MAS1: variants seen among roughly 807,000 people sequenced by gnomAD.
The protein encoded by MAS1 is proto-oncogene Mas.
For missense variants in MAS1, 387 were observed against 409.7 expected, an observed-to-expected ratio of 0.94 and a Z score of 0.48; for synonymous variants, 163 against 164.2, an observed-to-expected ratio of 0.99 and a Z score of 0.05.
At position 159,906,941 on chromosome 6, in the gene MAS1, AC is replaced by A. The variant is rs1782893927; in HGVS notation, c.-13del. The A allele has an allele frequency of 6.3e-7, 1 of 1,583,138 alleles. No individual in the cohort carries two copies. The highest frequency in any genetic ancestry group is 8.6e-7 in the Non-Finnish European group (1 of 1,158,564). ...ACAGAAAATTACCTGAAGAGTTCCA[AC>A]CTGAGGCCTCCTCATGGATGGGTCA... On this transcript the variant is annotated 5_prime_UTR_variant, in exon 3 of 3. Transcript: ENST00000674077.
At chr6:159,889,378 C>T (rs1782672980), upstream of MAS1, among the ~76,000 whole-genome samples, 1 of 152,168 alleles carries the variant, frequency 6.6e-6, no homozygotes, top group African/African-American at 2.4e-5. Context: ...GTGAAATGTT[C>T]ATAACATCTG....
Position 159,902,827 on chromosome 6 carries a change from A to G in MAS1, c.-37+3435A>G, listed in dbSNP as rs115051617. Among the ~76,000 whole-genome samples, 1,059 of 152,204 alleles carry G rather than the reference A, an allele frequency of 7.0e-3. 11 individuals carry two copies. The highest frequency in any genetic ancestry group is 0.023 in the African/African-American group (966 of 41,520). ...TCGGACCCCTGGGCTGCTGTCCCAA[A>G]TTCCTTGACGATTTCAGCACCTGGA... On this transcript the variant is annotated intron_variant, in intron 2 of 2. Transcript: ENST00000674077.
chr6:159,907,796 T>G lies in MAS1; in HGVS notation c.841T>G (p.Phe281Val). The G allele has an allele frequency of 6.2e-7, 1 of 1,613,490 alleles. No individual in the cohort carries two copies. The highest frequency in any genetic ancestry group is 8.5e-7 in the Non-Finnish European group (1 of 1,179,928). ...CAGTAGCGCCAACCCTTTCATTTACTTCTTTGTGGGAAGCAGTAAGAAGAA... is the reference window on the plus strand; with the variant it reads ...CAGTAGCGCCAACCCTTTCATTTACGTCTTTGTGGGAAGCAGTAAGAAGAA... ...INSSANPFIY[F>V]FVGSSKKKRF... Residue 281 changes from phenylalanine (F) to valine (V), a missense_variant, in exon 3 of 3, where the codon TTC (phenylalanine) becomes GTC (valine). Physicochemically the swap from Phe to Val is conservative, Grantham distance 50 (BLOSUM62 -1). Transcript: ENST00000674077.
At chr6:159,893,737 GTACA>G (rs1782725927) in intron 1 of MAS1, among the ~76,000 whole-genome samples, 2 of 152,164 alleles carry the variant, frequency 1.3e-5, no homozygotes, top group Admixed American at 1.3e-4. Context: ...TGTTATCTAT[GTACA>G]TATATTCCTT....
intron 2 of MAS1, 86 bp from the exon 3 acceptor site, chr6:159,906,834 G>C (rs753576970): frequency 9.5e-7 from 1 of 1,050,612 alleles, no homozygotes; most frequent in African/African-American, 1.6e-5. Context: ...TGAAGATTAT[G>C]ATTTATAGCT....
chr6:159,905,003 C>T (rs1483003118), intron 2 of MAS1, among the ~76,000 whole-genome samples: 1 of 152,216 alleles, frequency 6.6e-6, no homozygotes, highest in Non-Finnish European at 1.5e-5. Context: ...TTTCCCATCA[C>T]ACTATGGACG....
chr6:159,897,657 G>A (rs975550155), intron 1 of MAS1, among the ~76,000 whole-genome samples: 2 of 152,138 alleles, frequency 1.3e-5, no homozygotes, highest in African/African-American at 4.8e-5. Context: ...AATGAACAGG[G>A]GCAGCTTAGA....
At position 159,907,735 on chromosome 6, in the gene MAS1, C is replaced by T; in HGVS notation, c.780C>T (p.Asn260=). 6.2e-7 allele frequency: 1 copy of T among 1,613,522 alleles called. No individual in the cohort carries two copies. Among genetic ancestry groups the T allele is most frequent in the Non-Finnish European group, 8.5e-7 (1 of 1,179,934 alleles). ...LYYEYWSTFG[N]LHHISLLFST... ...ATGAGTATTGGTCGACCTTTGGGAA[C>T]CTACACCACATTTCCCTGCTCTTCT... Residue 260 remains asparagine, a synonymous_variant, in exon 3 of 3, where the codon AAC becomes AAT. Coordinates refer to ENST00000674077, the MANE Select transcript of MAS1 (RefSeq NM_002377.4).
chr6:159,894,418 C>CAAAAAAAAAAAAAA (rs5881344), intron 1 of MAS1, among the ~76,000 whole-genome samples: 2 of 79,134 alleles, frequency 2.5e-5, no homozygotes, highest in African/African-American at 9.7e-5. Flanking sequence ...GACCCTGTCT[C>CAAAAAAAAAAAAAA]AAAAAAAAAA....
In MAS1 at chr6:159,916,634, C is replaced by T. The variant is rs1206100714; in HGVS notation, c.*8701C>T. 1 of 152,226 alleles carries T rather than the reference C, an allele frequency of 6.6e-6. No individual in the cohort carries two copies. The highest frequency in any genetic ancestry group is 2.4e-5 in the African/African-American group (1 of 41,456). The allele number at this position is 152,226 out of a possible 1,614,324, so 9.4% of individuals were successfully genotyped here. A position where few individuals can be genotyped will look rare whatever the true frequency, so the allele number is the denominator to read the frequency against. ...GTGATGAAGGATGAAGACAAACCTCCTCTTCATCTTCACTCCAGTGAGTGG... is the reference window on the plus strand; with the variant it reads ...GTGATGAAGGATGAAGACAAACCTCTTCTTCATCTTCACTCCAGTGAGTGG... On this transcript the variant is annotated 3_prime_UTR_variant, in exon 3 of 3. Transcript: ENST00000674077.
At chr6:159,903,669 C>T (rs141963892) in intron 2 of MAS1, among the ~76,000 whole-genome samples, 90 of 152,224 alleles carry the variant, frequency 5.9e-4, no homozygotes, top group African/African-American at 1.5e-3. Context: ...CCCACCTCAC[C>T]GGATCTGCAG....
chr6:159,911,985 A>G lies in MAS1; in HGVS notation c.*4052A>G, dbSNP rs1782970507. On this transcript the variant is annotated 3_prime_UTR_variant, in exon 3 of 3. Coordinates refer to ENST00000674077, the MANE Select transcript of MAS1 (RefSeq NM_002377.4). ...CAGCAATTCTCCCTCTCTGTCCTGC[A>G]CCATCAATTTCAGTCCAGGATAACG... The G allele has an allele frequency of 6.6e-6, 1 of 152,382 alleles. No individual in the cohort carries two copies. Among genetic ancestry groups the G allele is most frequent in the African/African-American group, 2.4e-5 (1 of 41,448 alleles). The allele number at this position is 152,382 out of a possible 1,614,324, so 9.4% of individuals were successfully genotyped here. A position where few individuals can be genotyped will look rare whatever the true frequency, so the allele number is the denominator to read the frequency against.
rs1179372328 is a variant in MAS1, at chr6:159,907,213, C to G, written c.258C>G (p.Ile86Met). 6 of 1,614,132 alleles carry G rather than the reference C, an allele frequency of 3.7e-6. No homozygotes were observed. In the Admixed American group the frequency reaches 8.3e-5, roughly 22 times the overall value. ...ADISLLFCIF[I>M]LSIDYALDYE... is the part of the protein sequence containing the mutation. ...TCTCACTGCTCTTCTGTATTTTCAT[C>G]TTGTCTATCGACTATGCTTTAGATT... is the stretch of plus-strand genomic sequence containing the variant. The change falls in exon 3 of 3, where the codon ATC becomes ATG. Residue 86 changes from isoleucine (I) to methionine (M), a missense_variant. Physicochemically the swap from Ile to Met is conservative, Grantham distance 10. Transcript: ENST00000674077.
At chr6:159,895,175 G>A (rs923329599) in intron 1 of MAS1, among the ~76,000 whole-genome samples, 1 of 152,148 alleles carries the variant, frequency 6.6e-6, no homozygotes, top group Admixed American at 6.5e-5. Context: ...CAATGAGCTG[G>A]TGTGTGTGTA....
intron 1 of MAS1, among the ~76,000 whole-genome samples, chr6:159,894,552 A>G (rs186343372): frequency 6.6e-6 from 1 of 152,268 alleles, no homozygotes; most frequent in East Asian, 1.9e-4. Context: ...GGGAAGAAAT[A>G]TGCTAGGCTC....
At chr6:159,898,334 C>T (rs1782776971) in intron 1 of MAS1, among the ~76,000 whole-genome samples, 1 of 152,024 alleles carries the variant, frequency 6.6e-6, no homozygotes, top group Non-Finnish European at 1.5e-5. Flanking sequence ...GATTAGGCCC[C>T]AGAGTGTAAT....
chr6:159,912,701 A>G lies in MAS1; in HGVS notation c.*4768A>G, dbSNP rs942618595. On this transcript the variant is annotated 3_prime_UTR_variant, in exon 3 of 3. Coordinates refer to ENST00000674077, the MANE Select transcript of MAS1 (RefSeq NM_002377.4). ...CCTGCTTAGCACCAGAGTCTCTCTC[A>G]CTGCCTCATCTACAGTTTTGTGGAT... The G allele has an allele frequency of 1.3e-5, 2 of 152,230 alleles. No homozygotes were observed. Among genetic ancestry groups the G allele is most frequent in the African/African-American group, 2.4e-5 (1 of 41,464 alleles). The allele number at this position is 152,230 out of a possible 1,614,324, so 9.4% of individuals were successfully genotyped here.
In MAS1 at chr6:159,915,301, C is replaced by A. The variant is rs957086756; in HGVS notation, c.*7368C>A. The A allele has an allele frequency of 6.6e-6, 1 of 152,172 alleles. No individual in the cohort carries two copies. Among genetic ancestry groups the A allele is most frequent in the South Asian group, 2.1e-4 (1 of 4,824 alleles). The allele number at this position is 152,172 out of a possible 1,614,324, so 9.4% of individuals were successfully genotyped here. On this transcript the variant is annotated 3_prime_UTR_variant, in exon 3 of 3. Transcript: ENST00000674077. ...AATATACTTATGTGACTACCCGTAC[C>A]CTTTCTCCAGCCTCCCTGCCCCATA...
rs1478844396 is a variant in MAS1, at chr6:159,915,597, A to C, written c.*7664A>C. ...TAATGCCTGAGGCAGAGGCCTCTGG[A>C]ATGAGAAAACAGGACTGGAAGCCTG... On this transcript the variant is annotated 3_prime_UTR_variant, in exon 3 of 3. Coordinates refer to ENST00000674077, the MANE Select transcript of MAS1 (RefSeq NM_002377.4). 2 of 152,198 alleles carry C rather than the reference A, an allele frequency of 1.3e-5. No homozygotes were observed. Among genetic ancestry groups the C allele is most frequent in the Admixed American group, 6.5e-5 (1 of 15,276 alleles). The allele number at this position is 152,198 out of a possible 1,614,324, so 9.4% of individuals were successfully genotyped here. A position where few individuals can be genotyped will look rare whatever the true frequency, so the allele number is the denominator to read the frequency against.
Sources: allele counts gnomAD v4.1 joint callset (sites outside exome capture counted in the v4.1 genomes callset), GRCh38; gene constraint gnomAD v4.1.1; transcripts MANE v1.5; gene names NCBI Gene and HGNC (gene_info 2026-07-23, HGNC 2026-07-21).